The following RIMKLB variants were observed in gnomAD, a reference collection of about 807,000 sequenced individuals.
RIMKLB encodes the protein ribosomal modification protein rimK like family member B.
Under a neutral mutation model 32.0 loss-of-function variants are expected in RIMKLB, and 7 were observed. The ratio of observed to expected loss-of-function variants is 0.22; its 90% CI spans 0.12 to 0.41. The LOEUF is 0.41. Ranked by LOEUF, RIMKLB falls within the 10% of genes least tolerant of loss-of-function variation. The pLI, the probability that RIMKLB is intolerant of heterozygous loss-of-function variation, is 1.00. For synonymous variants in RIMKLB, 172 were observed against 185.1 expected, an observed-to-expected ratio of 0.93 and a Z score of 0.57; for missense variants, 289 against 498.7, an observed-to-expected ratio of 0.58 and a Z score of 4.00.
chr12:8,750,647 T>C (rs1229498838), intron 3 of RIMKLB, among the ~76,000 whole-genome samples: 1 of 152,068 alleles, frequency 6.6e-6, no homozygotes, highest in Non-Finnish European at 1.5e-5. Context: ...AAAAGATCAA[T>C]CTGTGGTAGA....
At chr12:8,702,712 C>G (rs188877130) in intron 1 of RIMKLB, among the ~76,000 whole-genome samples, 86 of 152,326 alleles carry the variant, frequency 5.6e-4, no homozygotes, top group Middle Eastern at 3.4e-3. Context: ...TGGAATTCTT[C>G]CCTGAGGCTT....
chr12:8,779,230 CTTG>C (rs1275339881), downstream of RIMKLB: 1 of 152,066 alleles, frequency 6.6e-6, no homozygotes, highest in Non-Finnish European at 1.5e-5. Flanking sequence ...ATACCACTGA[CTTG>C]TTAAGAATGA....
downstream of RIMKLB, chr12:8,777,811 ACT>A (rs1433280309): frequency 3.5e-6 from 2 of 572,616 alleles, no homozygotes; most frequent in African/African-American, 4.1e-5. Context: ...AGGTAATTTA[ACT>A]CTTTCTCCTT....
At chr12:8,674,530 C>T in the RIMKLB span, among the ~76,000 whole-genome samples, 41 of 151,782 alleles carry the variant, frequency 2.7e-4, no homozygotes, top group African/African-American at 9.7e-4. Flanking sequence ...TGAGCCACCG[C>T]GCCCAGCCCT....
At chr12:8,778,426 T>TA (rs34280618), downstream of RIMKLB, among the ~76,000 whole-genome samples, 2,114 of 152,302 alleles carry the variant, frequency 0.014, 41 homozygotes, top group African/African-American at 0.046. Flanking sequence ...ATTTCTAAGA[T>TA]ACTAGTTCTA....
At chr12:8,674,848 C>A in the RIMKLB span, among the ~76,000 whole-genome samples, 1 of 151,092 alleles carries the variant, frequency 6.6e-6, no homozygotes, top group African/African-American at 2.4e-5. Context: ...CTGCGTCCAG[C>A]CTTTTGTCAC....
intron 2 of RIMKLB, among the ~76,000 whole-genome samples, chr12:8,727,652 A>G (rs919925204): frequency 1.3e-5 from 2 of 152,180 alleles, no homozygotes; most frequent in Non-Finnish European, 2.9e-5. Context: ...TCATGCCAGC[A>G]CTTCGGCAGG....
intron 2 of RIMKLB, among the ~76,000 whole-genome samples, chr12:8,724,233 T>C (rs1945763506): frequency 6.6e-6 from 1 of 152,208 alleles, no homozygotes. Flanking sequence ...TCATTTGTTT[T>C]CTCTAGCTGT....
At chr12:8,688,577 C>A (rs766966513) in intron 1 of RIMKLB, among the ~76,000 whole-genome samples, 1 of 152,144 alleles carries the variant, frequency 6.6e-6, no homozygotes, top group South Asian at 2.1e-4. Context: ...TCTTAGTCTC[C>A]CCCATTTCTT....
chr12:8,697,979 T>TCGCGCG (rs746681662), upstream of RIMKLB: 4 of 154,276 alleles, frequency 2.6e-5, no homozygotes, highest in Non-Finnish European at 4.3e-5. Context: ...GTGAGCGGGG[T>TCGCGCG]CGCGCGCGCG....
intron 5 of RIMKLB, among the ~76,000 whole-genome samples, chr12:8,756,273 A>G (rs1399459418): frequency 6.6e-6 from 1 of 152,084 alleles, no homozygotes; most frequent in Non-Finnish European, 1.5e-5. Context: ...GTGAACCATG[A>G]TCGTACCACT....
chr12:8,741,561 C>T (rs967553860), intron 2 of RIMKLB, among the ~76,000 whole-genome samples: 6 of 151,208 alleles, frequency 4.0e-5, no homozygotes, highest in Admixed American at 6.6e-5. Flanking sequence ...GGGTGGATCA[C>T]GGGGTCAGGA....
At chr12:8,763,994 A>G (rs1226544096) in intron 5 of RIMKLB, among the ~76,000 whole-genome samples, 3 of 152,192 alleles carry the variant, frequency 2.0e-5, no homozygotes, top group African/African-American at 7.2e-5. Context: ...AGGAAAGCAG[A>G]GTATAAGGGT....
chr12:8,743,512 G>A (rs1863604030), intron 2 of RIMKLB, among the ~76,000 whole-genome samples: 1 of 142,376 alleles, frequency 7.0e-6, no homozygotes, highest in Non-Finnish European at 1.5e-5. Flanking sequence ...ATTATTAAGA[G>A]TATAGCCAAA....
At chr12:8,772,770 G>A (rs1447272275) in intron 5 of RIMKLB, among the ~76,000 whole-genome samples, 4 of 152,192 alleles carry the variant, frequency 2.6e-5, no homozygotes, top group African/African-American at 9.7e-5. Flanking sequence ...TGATCTCCAA[G>A]TGAGAAAATC....
At chr12:8,713,699 T>C in intron 1 of RIMKLB, 112 bp from the exon 2 acceptor site, 1 of 684,976 alleles carries the variant, frequency 1.5e-6, no homozygotes, top group South Asian at 1.9e-5. Flanking sequence ...TCTACACGTG[T>C]TTTTTCCTGT....
Position 8,775,609 on chromosome 12 carries a change from A to G in RIMKLB, c.*1825A>G, listed in dbSNP as rs1353750900. 1 of 985,664 alleles carries G rather than the reference A, an allele frequency of 1.0e-6. No individual in the cohort carries two copies. Among genetic ancestry groups the G allele is most frequent in the Non-Finnish European group, 1.2e-6 (1 of 829,848 alleles). The allele number at this position is 985,664 out of a possible 1,614,324, so 61.1% of individuals were successfully genotyped here. A position where few individuals can be genotyped will look rare whatever the true frequency, so the allele number is the denominator to read the frequency against. On this transcript the variant is annotated 3_prime_UTR_variant, in exon 6 of 6. Transcript: ENST00000535829. ...TTCGAGGCAATAATAAAAGATCAGTATTAACCAGCTATAACAGAGGTTTGA... is the reference window on the plus strand; with the variant it reads ...TTCGAGGCAATAATAAAAGATCAGTGTTAACCAGCTATAACAGAGGTTTGA...
chr12:8,730,431 C>T (rs1946428726), intron 2 of RIMKLB, among the ~76,000 whole-genome samples: 1 of 152,310 alleles, frequency 6.6e-6, no homozygotes, highest in Middle Eastern at 3.4e-3. Flanking sequence ...AATCATCTCA[C>T]TCCAGCTTGG....
chr12:8,695,191 G>GC (rs1942849614), upstream of RIMKLB, among the ~76,000 whole-genome samples: 3 of 82,964 alleles, frequency 3.6e-5, no homozygotes, highest in South Asian at 5.1e-4. Context: ...GCACCGCCCC[G>GC]CCCCCCCGCC....
Sources: allele counts gnomAD v4.1 joint callset (sites outside exome capture counted in the v4.1 genomes callset), GRCh38; gene constraint gnomAD v4.1.1; transcripts MANE v1.5; gene names NCBI Gene and HGNC (gene_info 2026-07-23, HGNC 2026-07-21).